The following TOP2A variants were observed in gnomAD, a reference collection of about 807,000 sequenced individuals.
The protein encoded by TOP2A is DNA topoisomerase II alpha, also known as DNA topoisomerase 2-alpha.
In TOP2A, 68 loss-of-function variants were observed where a neutral mutation model predicts 187.2. That is an observed-to-expected ratio of 0.36 (90% CI 0.30 to 0.44). The LOEUF (loss-of-function observed/expected upper bound fraction) is 0.44, where lower values mean the gene tolerates loss of function less well. Among genes scored for constraint, TOP2A ranks in the 20% least tolerant of loss-of-function variants. The pLI, the probability that TOP2A is intolerant of heterozygous loss-of-function variation, is 1.00. For synonymous variants in TOP2A, 542 were observed against 593.2 expected (o/e 0.91, Z 1.25); for missense variants, 1,196 against 1,808.7 (o/e 0.66, Z 6.14).
At chr17:40,405,457 G>GTT (rs71152667) in intron 16 of TOP2A, among the ~76,000 whole-genome samples, 4,495 of 129,604 alleles carry the variant, frequency 0.035, 182 homozygotes, top group South Asian at 0.056. Context: ...GACCTTTTTT[G>GTT]TTTTTTTTTT....
Position 40,407,535 on chromosome 17 carries a change from A to G in TOP2A, c.1626+14T>C. ...TTTAGTTGAACAATCTAAAAATTTA[A>G]TAACAAATCTGACCTGATCTGTCAT... On this transcript the variant is annotated intron_variant, in intron 13 of 34. Coordinates refer to ENST00000423485, the MANE Select transcript of TOP2A (RefSeq NM_001067.4). 2 of 1,538,270 alleles carry G rather than the reference A, an allele frequency of 1.3e-6. No individual in the cohort carries two copies. Among genetic ancestry groups the G allele is most frequent in the Non-Finnish European group, 1.7e-6 (2 of 1,150,400 alleles).
At chr17:40,412,390 A>G (rs1426656808) in intron 7 of TOP2A, among the ~76,000 whole-genome samples, 1 of 152,174 alleles carries the variant, frequency 6.6e-6, no homozygotes, top group African/African-American at 2.4e-5. Context: ...TCATGCCTGT[A>G]ATCCCAGCAC....
At position 40,411,351 on chromosome 17, in the gene TOP2A, T is replaced by C. The variant is rs1490094899; in HGVS notation, c.1065+3A>G. 1.2e-6 allele frequency: 2 copies of C among 1,613,504 alleles called. No homozygotes were observed. Among genetic ancestry groups the C allele is most frequent in the East Asian group, 2.2e-5 (1 of 44,850 alleles). On this transcript the variant is annotated splice_donor_region_variant and intron_variant, in intron 9 of 34. Transcript: ENST00000423485. The surrounding 1 kb of genome is among the most constrained non-coding windows in gnomAD (Gnocchi z 4.4). ...GAAAAAGAAAACTGCCAAAAGCACA[T>C]ACCTGATGTGCTTTTACTGCAACAC...
intron 20 of TOP2A, 39 bp downstream of exon 20, chr17:40,402,867 T>C: frequency 6.4e-7 from 1 of 1,552,538 alleles, no homozygotes; most frequent in Non-Finnish European, 8.7e-7. Context: ...GTTTCAAAAC[T>C]GGAAATGGCA....
At position 40,413,264 on chromosome 17, in the gene TOP2A, C is replaced by T; in HGVS notation, c.507G>A (p.Leu169=). 1 of 1,564,544 alleles carries T rather than the reference C, an allele frequency of 6.4e-7. No homozygotes were observed. The highest frequency in any genetic ancestry group is 8.7e-7 in the Non-Finnish European group (1 of 1,152,780). The change falls in exon 6 of 35, where the codon TTG becomes TTA. Residue 169 remains leucine (L), a synonymous_variant. Transcript: ENST00000423485. ...TAAATTTGGTACTGAATATGTTACACAATTTGGCTCCATAGCCATTTCGAC... is the reference window on the plus strand; with the variant it reads ...TAAATTTGGTACTGAATATGTTACATAATTTGGCTCCATAGCCATTTCGAC... The part of the protein sequence containing the change: ...TGGRNGYGAK[L]CNIFSTKFTV...
intron 32 of TOP2A, 74 bp downstream of exon 32, chr17:40,391,994 C>A: frequency 6.8e-7 from 1 of 1,479,030 alleles, no homozygotes; most frequent in Non-Finnish European, 9.2e-7. Context: ...GATAATGTAG[C>A]CAGGATTAGA....
chr17:40,391,729 TAAACACC>T, intron 32 of TOP2A, 89 bp from the exon 33 acceptor site: 1 of 1,282,880 alleles, frequency 7.8e-7, no homozygotes, highest in Non-Finnish European at 1.0e-6. Flanking sequence ...AATTCCTATT[TAAACACC>T]AAATATGTGA....
In TOP2A at chr17:40,403,009, C is replaced by A. The variant is rs755536258; in HGVS notation, c.2329G>T (p.Gly777Cys). 1.1e-5 allele frequency: 17 copies of A among 1,601,682 alleles called. No homozygotes were observed. The highest frequency in any genetic ancestry group is 1.4e-5 in the Non-Finnish European group (17 of 1,173,570). ...TGCAAGAGGTTTAGATTATTGCTAC[C>A]CACAAAATTCTGAGCCAAATTGATA... is the stretch of plus-strand genomic sequence containing the variant. ...TIINLAQNFV[G>C]SNNLNLLQPI... Residue 777 changes from glycine (G) to cysteine (C), a missense_variant, in exon 20 of 35, where the codon GGT becomes TGT. Physicochemically the swap from Gly to Cys is radical, Grantham distance 159. This residue lies in a region of TOP2A where 209 missense variants were observed against 376.9 expected (regional missense o/e 0.55). Transcript: ENST00000423485.
At chr17:40,404,543 C>T (rs1177291508) in intron 17 of TOP2A, 52 bp from the exon 18 acceptor site, 5 of 1,077,048 alleles carry the variant, frequency 4.6e-6, no homozygotes, top group Non-Finnish European at 6.9e-6. Context: ...CAATGCTCAA[C>T]ACAAAAATCA....
At chr17:40,391,935 C>G (rs368810444) in intron 32 of TOP2A, 133 bp downstream of exon 32, 1 of 992,052 alleles carries the variant, frequency 1.0e-6, no homozygotes, top group Non-Finnish European at 1.5e-6. Flanking sequence ...TGAACAGTAT[C>G]AACATAATGT....
rs2035198806 is a variant in TOP2A at position 40,402,891 on chromosome 17, T to C, written c.2432+15A>G. 1.3e-6 allele frequency: 2 copies of C among 1,573,640 alleles called. No homozygotes were observed. Among genetic ancestry groups the C allele is most frequent in the East Asian group, 2.3e-5 (1 of 44,122 alleles). Reference sequence around the variant, plus strand: ...CTGGAAATGGCAAGTCACTAGAAAGTGAAAGCATACCTACCTGAGCATTGT... The same window carrying C: ...CTGGAAATGGCAAGTCACTAGAAAGCGAAAGCATACCTACCTGAGCATTGT... On this transcript the variant is annotated intron_variant, in intron 20 of 34. Transcript: ENST00000423485.
intron 32 of TOP2A, 37 bp downstream of exon 32, chr17:40,392,031 A>G: frequency 1.2e-5 from 19 of 1,598,044 alleles, no homozygotes; most frequent in Non-Finnish European, 1.6e-5. Flanking sequence ...GTGTCCCAGT[A>G]AGGCAGATGT....
chr17:40,389,120 C>A lies in TOP2A; in HGVS notation c.*399G>T. 4.3e-6 allele frequency: 1 copy of A among 229,900 alleles called. No individual in the cohort carries two copies. Among genetic ancestry groups the A allele is most frequent in the Non-Finnish European group, 8.7e-6 (1 of 115,258 alleles). 14.2% of individuals were successfully genotyped at this position (229,900 alleles called of 1,614,324 possible). ...CAGATAATTATGCTCTATCTCATAT[C>A]TACTGAAAGTAGAAAAGGAGGAAGA... On this transcript the variant is annotated 3_prime_UTR_variant, in exon 35 of 35. Transcript: ENST00000423485.
chr17:40,407,913 A>G, intron 12 of TOP2A, 54 bp downstream of exon 12: 1 of 1,494,998 alleles, frequency 6.7e-7, no homozygotes, highest in South Asian at 1.2e-5. Context: ...ATATAAGCAT[A>G]AAGTCTTGTA....
intron 22 of TOP2A, 49 bp downstream of exon 22, chr17:40,400,480 G>C (rs778353666): frequency 2.5e-6 from 4 of 1,600,726 alleles, no homozygotes; most frequent in African/African-American, 1.4e-5. Flanking sequence ...TAGTACAAAA[G>C]GTATTTCTTT....
intron 20 of TOP2A, among the ~76,000 whole-genome samples, chr17:40,401,384 G>A (rs1046724614): frequency 2.0e-5 from 3 of 152,184 alleles, no homozygotes; most frequent in South Asian, 2.1e-4. Flanking sequence ...AAGTTAAGCC[G>A]TTTCTGATAG....
chr17:40,405,880 C>T (rs1056540881), intron 16 of TOP2A, among the ~76,000 whole-genome samples: 1 of 152,040 alleles, frequency 6.6e-6, no homozygotes, highest in African/African-American at 2.4e-5. Flanking sequence ...GATTCTCCTG[C>T]CTCAGCTTCC....
intron 7 of TOP2A, 83 bp downstream of exon 7, chr17:40,412,676 A>G: frequency 9.1e-7 from 1 of 1,099,486 alleles, no homozygotes. Flanking sequence ...ACAAAAACAT[A>G]TGGGAGGGGA....
chr17:40,396,327 C>T lies in TOP2A; in HGVS notation c.3676G>A (p.Glu1226Lys), dbSNP rs1342821135. 1 of 1,612,540 alleles carries T rather than the reference C, an allele frequency of 6.2e-7. No individual in the cohort carries two copies. The highest frequency in any genetic ancestry group is 8.5e-7 in the Non-Finnish European group (1 of 1,178,862). The change falls in exon 28 of 35, where the codon GAA becomes AAA. Residue 1226 changes from glutamate to lysine, a missense_variant. By Grantham distance (56) the Glu-to-Lys change is moderately conservative. Transcript: ENST00000423485. ...GQRVIPRITI[E>K]MKAEAEKKNK... ...TTCTTTTCTGCCTCTGCTTTCATTT[C>T]TATGGTTATTCGTGGAATGACTCTT...
Sources: allele counts gnomAD v4.1 joint callset (sites outside exome capture counted in the v4.1 genomes callset), GRCh38; gene constraint gnomAD v4.1.1; regional missense constraint gnomAD v4.1.1; non-coding constraint Gnocchi (gnomAD v3.1); transcripts MANE v1.5; gene names NCBI Gene and HGNC (gene_info 2026-07-23, HGNC 2026-07-21).